THEMIS: variants seen among roughly 807,000 people sequenced by gnomAD.
THEMIS encodes the protein protein THEMIS.
A neutral mutation model predicts 52.6 loss-of-function variants in THEMIS; 37 were observed. The observed-to-expected ratio is 0.70, with a 90% CI of 0.54 to 0.93. THEMIS has a LOEUF of 0.93. THEMIS is among the 40% of genes least tolerant of loss of function. The pLI is 0.00. For synonymous variants in THEMIS, 292 were observed against 272.7 expected, an observed-to-expected ratio of 1.07 and a Z score of -0.70; for missense variants, 808 against 763.1, an observed-to-expected ratio of 1.06 and a Z score of -0.69.
chr6:127,786,327 G>A (rs1316747035), intron 4 of THEMIS, among the ~76,000 whole-genome samples: 1 of 152,138 alleles, frequency 6.6e-6, no homozygotes, highest in Non-Finnish European at 1.5e-5. Flanking sequence ...GTAATGGAAT[G>A]TAAAACATTA....
rs58472332 is a variant in THEMIS, at chr6:127,907,337, A to ATTTTTTTTTTTTTTTTTTTT, written c.-149-6276_-149-6257dup. On this transcript the variant is annotated intron_variant, in intron 1 of 6. Transcript: ENST00000368250. ...AATACCATTAGGGCATTAGGCTCGG[A>ATTTTTTTTTTTTTTTTTTTT]TTTTTTTTTTTTTTTTTTTTTTTTT... Among the ~76,000 whole-genome samples, 62 of 49,452 alleles carry ATTTTTTTTTTTTTTTTTTTT rather than the reference A, an allele frequency of 1.3e-3. 15 individuals carry two copies. Among genetic ancestry groups the ATTTTTTTTTTTTTTTTTTTT allele is most frequent in the Non-Finnish European group, 1.8e-3 (49 of 26,668 alleles). The allele number at this position is 49,452 out of a possible 152,430, so 32.4% of individuals were successfully genotyped here.
chr6:127,746,890 T>A (rs1252239283), intron 4 of THEMIS, among the ~76,000 whole-genome samples: 5 of 54,396 alleles, frequency 9.2e-5, no homozygotes, highest in African/African-American at 3.3e-4. Context: ...AATTATATAT[T>A]ATTATATAAT....
At chr6:127,732,556 C>T (rs1774849811) in intron 4 of THEMIS, among the ~76,000 whole-genome samples, 1 of 152,174 alleles carries the variant, frequency 6.6e-6, no homozygotes, top group East Asian at 1.9e-4. Context: ...AATCACATTT[C>T]CAGTGCCTTT....
chr6:127,913,323 A>G (rs1049390711), intron 1 of THEMIS, among the ~76,000 whole-genome samples: 1 of 152,056 alleles, frequency 6.6e-6, no homozygotes, highest in African/African-American at 2.4e-5. Context: ...TTCAGTTTCC[A>G]TTCGCTGAAT....
At chr6:127,856,538 C>T in intron 1 of THEMIS, among the ~76,000 whole-genome samples, 1 of 151,970 alleles carries the variant, frequency 6.6e-6, no homozygotes, top group East Asian at 1.9e-4. Context: ...CCACAGAAGT[C>T]AGCTTCCCAG....
intron 3 of THEMIS, among the ~76,000 whole-genome samples, chr6:127,816,629 C>T (rs529153018): frequency 6.6e-6 from 1 of 152,246 alleles, no homozygotes; most frequent in South Asian, 2.1e-4. Context: ...TTGTCTTTTG[C>T]CTGGATTGTT....
At chr6:127,914,753 T>A (rs1331585533) in intron 1 of THEMIS, among the ~76,000 whole-genome samples, 2 of 152,210 alleles carry the variant, frequency 1.3e-5, no homozygotes, top group East Asian at 3.9e-4. Context: ...GTAAATGACA[T>A]TTGCCGCCTT....
chr6:127,885,184 A>G (rs1046843658), intron 1 of THEMIS, among the ~76,000 whole-genome samples: 4 of 152,182 alleles, frequency 2.6e-5, no homozygotes, highest in Non-Finnish European at 4.4e-5. Flanking sequence ...TTCAAAAGCC[A>G]TTTAAAATAT....
intron 4 of THEMIS, among the ~76,000 whole-genome samples, chr6:127,790,572 G>C (rs1377330700): frequency 4.6e-5 from 7 of 152,160 alleles, no homozygotes; most frequent in Non-Finnish European, 1.0e-4. Context: ...TAAGGAAGAT[G>C]CTCTTCTCAT....
chr6:127,765,830 G>A (rs1776178792), intron 4 of THEMIS, among the ~76,000 whole-genome samples: 1 of 151,986 alleles, frequency 6.6e-6, no homozygotes, highest in African/African-American at 2.4e-5. Context: ...GTTTGCTTAA[G>A]TACACTCTAT....
chr6:127,882,185 A>G (rs577738146), intron 1 of THEMIS, among the ~76,000 whole-genome samples: 9 of 151,856 alleles, frequency 5.9e-5, no homozygotes, highest in Non-Finnish European at 1.2e-4. Context: ...CCATACTTCA[A>G]GTACCCAATA....
intron 2 of THEMIS, among the ~76,000 whole-genome samples, chr6:127,844,316 G>A (rs1779144493): frequency 6.6e-6 from 1 of 151,806 alleles, no homozygotes; most frequent in Non-Finnish European, 1.5e-5. Context: ...AACAATGTCT[G>A]GTACATCTTT....
intron 4 of THEMIS, among the ~76,000 whole-genome samples, chr6:127,800,771 G>A (rs925535992): frequency 6.6e-6 from 1 of 152,170 alleles, no homozygotes; most frequent in Non-Finnish European, 1.5e-5. Context: ...TCTTTCTCCT[G>A]TGCTGGATGC....
chr6:127,823,323 G>T (rs933168070), intron 3 of THEMIS, among the ~76,000 whole-genome samples: 6 of 152,068 alleles, frequency 3.9e-5, no homozygotes, highest in Non-Finnish European at 8.8e-5. Context: ...CCTGTTATAT[G>T]AATATAAATG....
At chr6:127,701,938 C>G in the THEMIS span, among the ~76,000 whole-genome samples, 1 of 151,942 alleles carries the variant, frequency 6.6e-6, no homozygotes, top group Non-Finnish European at 1.5e-5. Context: ...CTTCTGGATA[C>G]CATTTTTTAT....
At chr6:127,871,307 A>G (rs1780150345) in intron 1 of THEMIS, among the ~76,000 whole-genome samples, 1 of 152,044 alleles carries the variant, frequency 6.6e-6, no homozygotes, top group Admixed American at 6.6e-5. Context: ...ACATACACAT[A>G]CATATATTTA....
At chr6:127,782,628 C>G (rs1583271444) in intron 4 of THEMIS, among the ~76,000 whole-genome samples, 1 of 152,288 alleles carries the variant, frequency 6.6e-6, no homozygotes, top group East Asian at 1.9e-4. Context: ...TGGGCTGCAC[C>G]CACTGTCTAA....
chr6:127,899,614 A>C (rs908097891), intron 1 of THEMIS, among the ~76,000 whole-genome samples: 9 of 151,838 alleles, frequency 5.9e-5, no homozygotes, highest in African/African-American at 2.2e-4. Flanking sequence ...TAGACTAAAA[A>C]CTAAATGCAA....
chr6:127,712,987 A>G (rs778196711), intron 5 of THEMIS, among the ~76,000 whole-genome samples: 17 of 151,968 alleles, frequency 1.1e-4, no homozygotes, highest in Admixed American at 2.6e-4. Context: ...TTCCCTTGTC[A>G]CTTTTGGGAA....
Sources: gnomAD v4.1 joint callset for allele counts (sites outside exome capture counted in the v4.1 genomes callset) on GRCh38, gnomAD v4.1.1 for gene constraint, MANE v1.5 for transcripts, NCBI Gene and HGNC (gene_info 2026-07-23, HGNC 2026-07-21) for gene names.